The following KSR2 variants were observed in gnomAD, a reference collection of about 807,000 sequenced individuals.
KSR2 encodes the protein kinase suppressor of ras 2.
KSR2 carries 25 observed loss-of-function variants against 107.8 expected under a neutral mutation model. That is an observed-to-expected ratio of 0.23 (90% CI 0.17 to 0.32). The LOEUF (loss-of-function observed/expected upper bound fraction) is 0.32. Ranked by LOEUF, KSR2 falls within the 10% of genes least tolerant of loss-of-function variation. The probability of loss-of-function intolerance (pLI) is 1.00; values close to 1 mark genes in which losing one functional copy is unlikely to be tolerated. For synonymous variants in KSR2, 480 were observed against 507.0 expected (o/e 0.95, Z 0.71); for missense variants, 887 against 1,268.9 (o/e 0.70, Z 4.57).
At chr12:117,665,881 G>A (rs1051825780) in intron 5 of KSR2, among the ~76,000 whole-genome samples, 10 of 152,186 alleles carry the variant, frequency 6.6e-5, no homozygotes, top group South Asian at 2.1e-4. Flanking sequence ...GCTCCTGGTC[G>A]TGACATCTGC....
chr12:117,624,018 T>C (rs1593062869), intron 5 of KSR2, among the ~76,000 whole-genome samples: 1 of 152,262 alleles, frequency 6.6e-6, no homozygotes, highest in African/African-American at 2.4e-5. Flanking sequence ...GTTGGTTGCA[T>C]AGATGTCTTC....
intron 3 of KSR2, among the ~76,000 whole-genome samples, chr12:117,833,774 C>G (rs1040302238): frequency 1.3e-5 from 2 of 152,062 alleles, no homozygotes; most frequent in Non-Finnish European, 2.9e-5. Context: ...TCTACAAGCT[C>G]TTTCATCTCA....
At chr12:117,942,380 C>A (rs1424039637) in intron 1 of KSR2, among the ~76,000 whole-genome samples, 1 of 152,172 alleles carries the variant, frequency 6.6e-6, no homozygotes, top group East Asian at 1.9e-4. Context: ...TTCACCTCTC[C>A]TTCCCTACAA....
In KSR2 at chr12:117,968,491, CCTCTCT is replaced by C; in HGVS notation, c.-242_-237del. On this transcript the variant is annotated 5_prime_UTR_variant, in exon 1 of 20. Coordinates refer to ENST00000339824, the MANE Select transcript of KSR2 (RefSeq NM_173598.6). The stretch of plus-strand genomic sequence containing the variant: ...TCAAGCGGACTCCATTAGAATGTCT[CCTCTCT>C]CTCTGAGTCTCTGGTCCCTGAAAAG... 2 of 1,284,354 alleles carry C rather than the reference CCTCTCT, an allele frequency of 1.6e-6. No homozygotes were observed. The highest frequency in any genetic ancestry group is 2.0e-6 in the Non-Finnish European group (2 of 1,022,142). 79.6% of individuals were successfully genotyped at this position (1,284,354 alleles called of 1,614,324 possible).
intron 3 of KSR2, among the ~76,000 whole-genome samples, chr12:117,815,992 TG>T (rs1891355395): frequency 4.2e-5 from 1 of 23,620 alleles, no homozygotes; most frequent in Non-Finnish European, 6.8e-5. Context: ...AAAAATAAAG[TG>T]TGTGTGTGTG....
intron 5 of KSR2, among the ~76,000 whole-genome samples, chr12:117,619,691 T>C (rs1263861391): frequency 6.6e-6 from 1 of 151,282 alleles, no homozygotes. Context: ...TTAAAAATAC[T>C]AATAACAACA....
chr12:117,855,387 G>T, intron 3 of KSR2, 41 bp downstream of exon 3: 1 of 1,612,640 alleles, frequency 6.2e-7, no homozygotes. Flanking sequence ...CAGCTGTGCT[G>T]GGGACAAGTC....
chr12:117,728,054 G>A (rs192625402), intron 4 of KSR2, among the ~76,000 whole-genome samples: 38 of 152,332 alleles, frequency 2.5e-4, no homozygotes, highest in Non-Finnish European at 4.4e-4. Context: ...CCTTCAGGGT[G>A]GGGCAAGATG....
intron 3 of KSR2, among the ~76,000 whole-genome samples, chr12:117,836,203 A>G (rs1892206608): frequency 6.6e-6 from 1 of 152,158 alleles, no homozygotes; most frequent in Non-Finnish European, 1.5e-5. Context: ...AGCATCGTCA[A>G]GTTTAGGGCC....
intron 17 of KSR2, among the ~76,000 whole-genome samples, chr12:117,474,231 G>T (rs1871640267): frequency 6.6e-6 from 1 of 152,102 alleles, no homozygotes; most frequent in Non-Finnish European, 1.5e-5. Flanking sequence ...GGTACATTTT[G>T]TTAATCACAT....
intron 1 of KSR2, among the ~76,000 whole-genome samples, chr12:117,967,016 C>G (rs1896818283): frequency 6.6e-6 from 1 of 152,138 alleles, no homozygotes; most frequent in South Asian, 2.1e-4. Context: ...TTAATCAACC[C>G]ATGCGTATAG....
intron 5 of KSR2, among the ~76,000 whole-genome samples, chr12:117,666,352 C>A (rs2136480724): frequency 6.6e-6 from 1 of 152,254 alleles, no homozygotes; most frequent in East Asian, 1.9e-4. Flanking sequence ...AGTGTAAGAA[C>A]CCTTAGATAA....
intron 14 of KSR2, among the ~76,000 whole-genome samples, chr12:117,499,616 CCTT>C (rs764309053): frequency 1.5e-4 from 23 of 152,286 alleles, no homozygotes; most frequent in Non-Finnish European, 3.4e-4. Flanking sequence ...CATTTTTGCT[CCTT>C]CTGTCTTTTG....
At chr12:117,710,651 C>T (rs186801573) in intron 4 of KSR2, among the ~76,000 whole-genome samples, 12 of 152,220 alleles carry the variant, frequency 7.9e-5, no homozygotes, top group South Asian at 2.1e-4. Flanking sequence ...GTTTCTTCAT[C>T]GGTGCCTTGA....
chr12:117,620,160 AGGTTAATCAGCT>A (rs1225925987), intron 5 of KSR2, among the ~76,000 whole-genome samples: 1 of 152,126 alleles, frequency 6.6e-6, no homozygotes, highest in East Asian at 1.9e-4. Context: ...GACTTGCCTG[AGGTTAATCAGCT>A]GGTGAAAGAT....
intron 4 of KSR2, among the ~76,000 whole-genome samples, chr12:117,689,969 AG>A (rs1490977643): frequency 6.6e-6 from 1 of 151,864 alleles, no homozygotes; most frequent in Non-Finnish European, 1.5e-5. Context: ...GGAAACAGGA[AG>A]GCAGGAGAGA....
At position 117,585,534 on chromosome 12, in the gene KSR2, G is replaced by A. The variant is rs531306132; in HGVS notation, c.1172-3175C>T. On this transcript the variant is annotated intron_variant, in intron 5 of 19. Coordinates refer to ENST00000339824, the MANE Select transcript of KSR2 (RefSeq NM_173598.6). ...TAATAACCTCCACACAGCTTCCTAC[G>A]TGGGCAAGAAGATTTGAACTTTGAG... is the stretch of plus-strand genomic sequence containing the variant. 2.0e-5 allele frequency among the ~76,000 whole-genome samples: 3 copies of A among 152,256 alleles called. No individual in the cohort carries two copies. The South Asian group carries it at 6.2e-4, about 32-fold the overall frequency.
chr12:117,882,740 CCCAT>C (rs1233857417), intron 1 of KSR2, among the ~76,000 whole-genome samples: 6 of 149,442 alleles, frequency 4.0e-5, no homozygotes, highest in Admixed American at 3.3e-4. Flanking sequence ...CACCCAACCA[CCCAT>C]CCATCCATCC....
intron 2 of KSR2, among the ~76,000 whole-genome samples, chr12:117,857,662 A>C (rs1190066464): frequency 1.3e-5 from 2 of 152,212 alleles, no homozygotes; most frequent in Non-Finnish European, 2.9e-5. Context: ...GGTTTTTGAT[A>C]GATTTCCTTT....
Sources: allele counts gnomAD v4.1 joint callset (sites outside exome capture counted in the v4.1 genomes callset), GRCh38; gene constraint gnomAD v4.1.1; transcripts MANE v1.5; gene names NCBI Gene and HGNC (gene_info 2026-07-23, HGNC 2026-07-21).